The following SENP7 variants were observed in gnomAD, a reference collection of about 807,000 sequenced individuals.
SENP7 encodes sentrin-specific protease 7.
In SENP7, 64 loss-of-function variants were observed where a neutral mutation model predicts 141.2. The observed-to-expected ratio is 0.45, with a 90% CI of 0.37 to 0.56. The LOEUF (loss-of-function observed/expected upper bound fraction) is 0.56, where lower values mean the gene tolerates loss of function less well. Among genes scored for constraint, SENP7 ranks in the 20% least tolerant of loss-of-function variants. SENP7 has a pLI of 0.00. For synonymous variants in SENP7, 382 were observed against 426.4 expected (o/e 0.90, Z 1.28); for missense variants, 1,025 against 1,212.2 (o/e 0.85, Z 2.29).
At position 101,512,436 on chromosome 3, in the gene SENP7, C is replaced by T. The variant is rs182314916; in HGVS notation, c.40+655G>A. On this transcript the variant is annotated intron_variant, in intron 1 of 23. Transcript: ENST00000394095. ...ATTTAAAACAAAGTAACGTCCAAAA[C>T]AAAAAATATGCTGAAAATAAAAACA... Among the ~76,000 whole-genome samples, 21 of 152,238 alleles carry T rather than the reference C, an allele frequency of 1.4e-4. No homozygotes were observed. In the East Asian group the frequency reaches 3.1e-3, roughly 22 times the overall value.
At chr3:101,502,921 TAAA>T (rs371641769) in intron 1 of SENP7, among the ~76,000 whole-genome samples, 4 of 134,726 alleles carry the variant, frequency 3.0e-5, no homozygotes, top group African/African-American at 5.3e-5. Context: ...GTCTCAGATT[TAAA>T]AAAAAAAAAA....
intron 3 of SENP7, among the ~76,000 whole-genome samples, chr3:101,476,290 C>T (rs144409209): frequency 0.073 from 11,083 of 151,864 alleles, 563 homozygotes; most frequent in Non-Finnish European, 0.12. Context: ...TGATGTTCCC[C>T]GCCCTGTGTC....
chr3:101,382,624 A>C (rs1040002997), intron 6 of SENP7, among the ~76,000 whole-genome samples: 8 of 152,236 alleles, frequency 5.3e-5, no homozygotes, highest in Non-Finnish European at 1.2e-4. Context: ...GTCTGACCTA[A>C]AAGGGAGTTC....
intron 11 of SENP7, 87 bp from the exon 12 acceptor site, chr3:101,351,738 A>G (rs544045613): frequency 1.2e-4 from 123 of 1,013,936 alleles, no homozygotes; most frequent in Admixed American, 1.7e-4. Context: ...ACAAGTACAT[A>G]TTCAAAGTCT....
intron 5 of SENP7, among the ~76,000 whole-genome samples, chr3:101,404,158 C>A (rs868503936): frequency 5.1e-4 from 78 of 152,064 alleles, no homozygotes; most frequent in African/African-American, 1.7e-3. Context: ...CACCTTACAT[C>A]CCTTCAAACC....
chr3:101,363,019 T>G (rs1441366750), intron 10 of SENP7: 1 of 175,014 alleles, frequency 5.7e-6, no homozygotes, highest in Non-Finnish European at 1.1e-5. Flanking sequence ...ACTAAAGCAG[T>G]TATTATGCAT....
rs1168568613 is a variant in SENP7, at chr3:101,332,126, A to G, written c.2574-17T>C. 4.3e-6 allele frequency: 7 copies of G among 1,611,340 alleles called. No individual in the cohort carries two copies. In the African/African-American group the frequency reaches 6.7e-5, roughly 15 times the overall value. The stretch of plus-strand genomic sequence containing the variant: ...CAGTGAGACCTGTTGAAAAAGAACT[A>G]CAATCTTAATACCATGCAAAGTCTA... On this transcript the variant is annotated splice_polypyrimidine_tract_variant and intron_variant, in intron 18 of 23. Transcript: ENST00000394095.
chr3:101,476,275 G>C (rs1318927068), intron 3 of SENP7, among the ~76,000 whole-genome samples: 1 of 148,468 alleles, frequency 6.7e-6, no homozygotes, highest in African/African-American at 2.5e-5. Context: ...AAAGGCCCCA[G>C]TGTGTGATGT....
chr3:101,371,838 T>C (rs1390825719), intron 7 of SENP7, among the ~76,000 whole-genome samples, 170 bp downstream of exon 7: 1 of 152,170 alleles, frequency 6.6e-6, no homozygotes, highest in Non-Finnish European at 1.5e-5. Flanking sequence ...AAATGAGTAC[T>C]ACGCTACATA....
At chr3:101,368,149 C>G (rs1208824265) in intron 7 of SENP7, 138 bp from the exon 8 acceptor site, 2 of 610,452 alleles carry the variant, frequency 3.3e-6, no homozygotes, top group Non-Finnish European at 5.5e-6. Context: ...GTTAAATTCT[C>G]ATACTGACAC....
chr3:101,361,631 T>C, intron 11 of SENP7, 84 bp downstream of exon 11: 1 of 1,321,698 alleles, frequency 7.6e-7, no homozygotes. Flanking sequence ...TCTATTCTTA[T>C]TTGTGCTAAG....
intron 4 of SENP7, chr3:101,457,641 T>C (rs61733804): frequency 0.01 from 15,919 of 1,541,672 alleles, 104 homozygotes; most frequent in Non-Finnish European, 0.012. Context: ...AACCACCTTC[T>C]TCCTTCTACG....
At chr3:101,400,678 T>C (rs1355902402) in intron 5 of SENP7, among the ~76,000 whole-genome samples, 3 of 151,482 alleles carry the variant, frequency 2.0e-5, no homozygotes, top group South Asian at 2.1e-4. Context: ...TCTCTCTCTC[T>C]CCTCAGGCCT....
At chr3:101,474,149 G>C (rs2107989641) in intron 3 of SENP7, among the ~76,000 whole-genome samples, 1 of 152,204 alleles carries the variant, frequency 6.6e-6, no homozygotes, top group Admixed American at 6.5e-5. Flanking sequence ...TGTTCTTTTT[G>C]CTTAGGATTG....
At chr3:101,467,527 C>T (rs1337420419) in intron 3 of SENP7, among the ~76,000 whole-genome samples, 2 of 152,224 alleles carry the variant, frequency 1.3e-5, no homozygotes, top group African/African-American at 4.8e-5. Context: ...GCAATATTTG[C>T]TGTTCTGCAG....
At chr3:101,332,928 C>T (rs761140533) in intron 17 of SENP7, 66 bp from the exon 18 acceptor site, 2 of 1,413,180 alleles carry the variant, frequency 1.4e-6, no homozygotes, top group Non-Finnish European at 1.9e-6. Flanking sequence ...ACTTCAAGAG[C>T]CATTTTTATA....
At chr3:101,419,039 T>C (rs1395826693) in intron 4 of SENP7, among the ~76,000 whole-genome samples, 2 of 152,182 alleles carry the variant, frequency 1.3e-5, no homozygotes, top group Admixed American at 6.5e-5. Context: ...AATTCTAATA[T>C]GTGCTATGAA....
chr3:101,434,144 A>G (rs1260317642), intron 4 of SENP7, among the ~76,000 whole-genome samples: 1 of 152,180 alleles, frequency 6.6e-6, no homozygotes, highest in Non-Finnish European at 1.5e-5. Context: ...GATACTATAC[A>G]AATATATGGA....
chr3:101,420,346 C>T (rs972501688), intron 4 of SENP7, among the ~76,000 whole-genome samples: 7 of 149,740 alleles, frequency 4.7e-5, no homozygotes, highest in African/African-American at 9.8e-5. Flanking sequence ...CCAGCCTGGG[C>T]GACAGAGCGA....
Sources: gnomAD v4.1 joint callset for allele counts (sites outside exome capture counted in the v4.1 genomes callset) on GRCh38, gnomAD v4.1.1 for gene constraint, MANE v1.5 for transcripts, NCBI Gene and HGNC (gene_info 2026-07-23, HGNC 2026-07-21) for gene names.